Variants in SRRM2 observed in about 807,000 individuals in gnomAD.
SRRM2 encodes the protein serine/arginine repetitive matrix 2.
In SRRM2, 30 loss-of-function variants were observed where a neutral mutation model predicts 213.8. The ratio of observed to expected loss-of-function variants is 0.14; its 90% confidence interval spans 0.10 to 0.19. The LOEUF (loss-of-function observed/expected upper bound fraction) is 0.19. SRRM2 is among the 10% of genes least tolerant of loss of function. The pLI is 1.00. For synonymous variants in SRRM2, 2,025 were observed against 1,377.7 expected, an observed-to-expected ratio of 1.47 and a Z score of -10.40; for missense variants, 4,904 against 3,647.0, an observed-to-expected ratio of 1.34 and a Z score of -8.88.
In SRRM2 at chr16:2,769,126, C is replaced by G. The variant is rs200174658; in HGVS notation, c.7863C>G (p.Ser2621=). Residue 2621 remains serine, a synonymous_variant, in exon 12 of 15, where the codon TCC becomes TCG. Coordinates refer to ENST00000301740, the MANE Select transcript of SRRM2 (RefSeq NM_016333.4). ...SSSSSSSSSS[S]SSSSSSSSSS... ...GCTCCTCCTCTTCATCTTCCTCCTC[C>G]TCCTCCTCCTCCTCTTCTTCCTCCT... 17 of 1,612,932 alleles carry G rather than the reference C, an allele frequency of 1.1e-5. No homozygotes were observed. The highest frequency in any genetic ancestry group is 1.4e-5 in the Non-Finnish European group (17 of 1,179,066).
rs1331603183 is a variant in SRRM2 at position 2,765,943 on chromosome 16, G to A, written c.5415G>A (p.Arg1805=). The A allele has an allele frequency of 1.9e-6, 3 of 1,614,084 alleles. No individual in the cohort carries two copies. In the Admixed American group the frequency reaches 5.0e-5, roughly 27 times the overall value. The change falls in exon 11 of 15, where the codon CGG becomes CGA. Residue 1805 remains arginine, a synonymous_variant. Coordinates refer to ENST00000301740, the MANE Select transcript of SRRM2 (RefSeq NM_016333.4). The part of the protein sequence containing the change: ...QSTSRRRQRS[R]SRSRVTRRRR... ...CCTCTCGGCGAAGACAGCGGAGCCG[G>A]TCAAGGTCGCGGGTTACTCGGCGGC...
chr16:2,766,497 C>G lies in SRRM2; in HGVS notation c.5969C>G (p.Thr1990Ser), dbSNP rs1223980446. ...RRSRSRTSPV[T>S]RRRSRSRTSP... ...TCAAGATCCAGAACATCTCCGGTCA[C>G]CCGAAGGAGATCTCGATCTCGCACA... The change falls in exon 11 of 15, where the codon ACC (threonine) becomes AGC (serine). Residue 1990 changes from threonine (T) to serine (S), a missense_variant. By Grantham distance (58) the Thr-to-Ser change is moderately conservative. Transcript: ENST00000301740. The surrounding 1 kb of genome is among the most constrained non-coding windows in gnomAD (Gnocchi z 7.0). The G allele has an allele frequency of 6.2e-7, 1 of 1,614,052 alleles. No homozygotes were observed.
rs2068586168 is a variant in SRRM2, at chr16:2,767,561, C to T, written c.7033C>T (p.His2345Tyr). ...SANLVGPRSA[H>Y]ATAPVNIAGS... is the part of the protein sequence containing the mutation. ...AAACCTGGTGGGTCCTCGGTCTGCA[C>T]ATGCCACAGCTCCTGTGAATATTGC... Residue 2345 changes from histidine (H) to tyrosine (Y), a missense_variant, in exon 11 of 15, where the codon CAT becomes TAT. Transcript: ENST00000301740. 4.3e-6 allele frequency: 7 copies of T among 1,614,228 alleles called. No individual in the cohort carries two copies. The highest frequency in any genetic ancestry group is 1.1e-5 in the South Asian group (1 of 91,086).
Position 2,752,701 on chromosome 16 carries a change from C to G in SRRM2, c.-177C>G, listed in dbSNP as rs968640180. ...GCGCAGTTGGAGCCCGTTGCGGCCCCTGAGGAAGCGAGGAGGCGTCGGCGT... is the reference window on the plus strand; with the variant it reads ...GCGCAGTTGGAGCCCGTTGCGGCCCGTGAGGAAGCGAGGAGGCGTCGGCGT... On this transcript the variant is annotated 5_prime_UTR_variant, in exon 1 of 15. Coordinates refer to ENST00000301740, the MANE Select transcript of SRRM2 (RefSeq NM_016333.4). 5 of 340,518 alleles carry G rather than the reference C, an allele frequency of 1.5e-5. No homozygotes were observed. The highest frequency in any genetic ancestry group is 3.9e-5 in the South Asian group (2 of 51,034). The allele number at this position is 340,518 out of a possible 1,614,324, so 21.1% of individuals were successfully genotyped here. A position where few individuals can be genotyped will look rare whatever the true frequency, so the allele number is the denominator to read the frequency against.
chr16:2,770,530 A>G, intron 13 of SRRM2, 65 bp downstream of exon 13: 1 of 1,559,306 alleles, frequency 6.4e-7, no homozygotes. Flanking sequence ...ACAAAGAAGA[A>G]AGCTTTGCGG....
rs759341299 is a variant in SRRM2, at chr16:2,758,536, A to G, written c.582A>G (p.Lys194=). The G allele has an allele frequency of 3.7e-6, 6 of 1,614,126 alleles. No individual in the cohort carries two copies. In the East Asian group the frequency reaches 1.3e-4, roughly 36 times the overall value. Residue 194 remains lysine (K), a synonymous_variant, in exon 5 of 15, where the codon AAA becomes AAG. Coordinates refer to ENST00000301740, the MANE Select transcript of SRRM2 (RefSeq NM_016333.4). ...TPKQKKKKKK[K]DRGRRSESSS... ...AGCAGAAGAAGAAGAAAAAGAAGAA[A>G]GATAGAGGACGGTAAGTTAGTTGGA...
rs1472232727 is a variant in SRRM2, at chr16:2,766,308, C to T, written c.5780C>T (p.Thr1927Met). ...AGCAGAAGGCGATCCAGATCCAGAA[C>T]GCCACCAGTAACCCGCCGTCGTTCA... ...PVSRRRSRSR[T>M]PPVTRRRSRS... is the part of the protein sequence containing the mutation. The change falls in exon 11 of 15, where the codon ACG (threonine) becomes ATG (methionine). Residue 1927 changes from threonine (T) to methionine (M), a missense_variant. By Grantham distance (81) the Thr-to-Met change is moderately conservative (BLOSUM62 -1). Transcript: ENST00000301740. The surrounding 1 kb of genome is among the most constrained non-coding windows in gnomAD (Gnocchi z 7.0). 6 of 1,614,194 alleles carry T rather than the reference C, an allele frequency of 3.7e-6. No individual in the cohort carries two copies. The highest frequency in any genetic ancestry group is 5.1e-6 in the Non-Finnish European group (6 of 1,180,024).
At chr16:2,759,224 T>A (rs374564867) in intron 7 of SRRM2, 52 bp downstream of exon 7, 2 of 1,606,254 alleles carry the variant, frequency 1.2e-6, no homozygotes, top group African/African-American at 2.7e-5. Flanking sequence ...AGTGGTGATT[T>A]TTTTTTCTTG....
Position 2,757,528 on chromosome 16 carries a change from A to G in SRRM2, c.299A>G (p.Glu100Gly), listed in dbSNP as rs769798268. The G allele has an allele frequency of 6.2e-7, 1 of 1,614,064 alleles. No homozygotes were observed. Among genetic ancestry groups the G allele is most frequent in the Non-Finnish European group, 8.5e-7 (1 of 1,179,996 alleles). ...KVATFRLMLL[E>G]KDVNPGGKEE... ...GCGACCTTTCGACTCATGTTGCTGGAGAAGGATGTGAACCCTGGGGGCAAG... is the reference window on the plus strand; with the variant it reads ...GCGACCTTTCGACTCATGTTGCTGGGGAAGGATGTGAACCCTGGGGGCAAG... Residue 100 changes from glutamate to glycine, a missense_variant, in exon 3 of 15, where the codon GAG (glutamate) becomes GGG (glycine). Transcript: ENST00000301740.
In SRRM2 at chr16:2,762,909, C is replaced by T. The variant is rs776735683; in HGVS notation, c.2381C>T (p.Pro794Leu). ...PCPKQKSQTP[P>L]RRSRSGSSQP... ...CCTAAACAAAAGTCACAGACACCACCCAGGCGCAGTCGCTCTGGATCCTCC... is the reference window on the plus strand; with the variant it reads ...CCTAAACAAAAGTCACAGACACCACTCAGGCGCAGTCGCTCTGGATCCTCC... The change falls in exon 11 of 15, where the codon CCC becomes CTC. Residue 794 changes from proline to leucine, a missense_variant. Coordinates refer to ENST00000301740, the MANE Select transcript of SRRM2 (RefSeq NM_016333.4). 6.2e-7 allele frequency: 1 copy of T among 1,612,752 alleles called. No individual in the cohort carries two copies. Among genetic ancestry groups the T allele is most frequent in the Non-Finnish European group, 8.5e-7 (1 of 1,178,752 alleles).
intron 4 of SRRM2, among the ~76,000 whole-genome samples, chr16:2,758,225 C>T (rs749681179): frequency 4.6e-5 from 7 of 152,082 alleles, no homozygotes; most frequent in Non-Finnish European, 1.0e-4. Context: ...AGAAAAAAAG[C>T]TGGTTGGTGG....
At chr16:2,768,969 T>G (rs2068639695) in intron 11 of SRRM2, 28 bp from the exon 12 acceptor site, 1 of 1,609,040 alleles carries the variant, frequency 6.2e-7, no homozygotes, top group Non-Finnish European at 8.5e-7. Context: ...GCAGCTTGTC[T>G]CCTTGTGACA....
chr16:2,769,429 C>T (rs956509122), intron 12 of SRRM2, 145 bp downstream of exon 12: 3 of 945,282 alleles, frequency 3.2e-6, no homozygotes, highest in Non-Finnish European at 4.8e-6. Context: ...CTCTCCTCTC[C>T]CCATGCTCGT....
chr16:2,757,510 T>A lies in SRRM2; in HGVS notation c.281T>A (p.Phe94Tyr). ...CAAATTCAGGAAAAAGTGGCGACCT[T>A]TCGACTCATGTTGCTGGAGAAGGAT... Reference protein sequence around the residue: ...EQQIQEKVATFRLMLLEKDVN... With the variant: ...EQQIQEKVATYRLMLLEKDVN... The change falls in exon 3 of 15, where the codon TTT becomes TAT. Residue 94 changes from phenylalanine to tyrosine, a missense_variant. By Grantham distance (22) the Phe-to-Tyr change is conservative (BLOSUM62 3). Transcript: ENST00000301740. 6.2e-7 allele frequency: 1 copy of A among 1,614,044 alleles called. No homozygotes were observed. Among genetic ancestry groups the A allele is most frequent in the South Asian group, 1.1e-5 (1 of 91,082 alleles).
chr16:2,759,224 T>C (rs374564867), intron 7 of SRRM2, 52 bp downstream of exon 7: 277 of 1,606,254 alleles, frequency 1.7e-4, no homozygotes, highest in Non-Finnish European at 2.3e-4. Flanking sequence ...AGTGGTGATT[T>C]TTTTTTCTTG....
Position 2,760,364 on chromosome 16 carries a change from T to C in SRRM2, c.897T>C (p.Ala299=), listed in dbSNP as rs750887562. 1 of 1,614,112 alleles carries C rather than the reference T, an allele frequency of 6.2e-7. No homozygotes were observed. The highest frequency in any genetic ancestry group is 8.5e-7 in the Non-Finnish European group (1 of 1,180,018). The part of the protein sequence containing the change: ...TALAGRSPSP[A]SGRRGEGDAP... Reference sequence around the variant, plus strand: ...TGGCTGGGCGAAGTCCTTCCCCTGCTTCAGGGCGACGCGGGGAGGGAGATG... The same window carrying C: ...TGGCTGGGCGAAGTCCTTCCCCTGCCTCAGGGCGACGCGGGGAGGGAGATG... The change falls in exon 10 of 15, where the codon GCT becomes GCC. Residue 299 remains alanine, a synonymous_variant. Transcript: ENST00000301740.
chr16:2,753,188 T>G (rs1435342409), intron 1 of SRRM2, among the ~76,000 whole-genome samples: 6 of 150,692 alleles, frequency 4.0e-5, no homozygotes, highest in Non-Finnish European at 7.4e-5. Flanking sequence ...AGCTGCCGTT[T>G]TCGGCCCTTA....
chr16:2,764,900 A>G lies in SRRM2; in HGVS notation c.4372A>G (p.Ser1458Gly). 2.5e-6 allele frequency: 4 copies of G among 1,614,200 alleles called. No individual in the cohort carries two copies. The highest frequency in any genetic ancestry group is 3.4e-6 in the Non-Finnish European group (4 of 1,180,030). Residue 1458 changes from serine to glycine, a missense_variant, in exon 11 of 15, where the codon AGC becomes GGC. Coordinates refer to ENST00000301740, the MANE Select transcript of SRRM2 (RefSeq NM_016333.4). ...TGGGTCTGGGACTCCCTCGAGGCAC[A>G]GCCTGTCTGGGTCCTCTCCTGGAAT... ...RDGSGTPSRH[S>G]LSGSSPGMKD...
Position 2,758,560 on chromosome 16 carries a change from G to C in SRRM2, c.593+13G>C. The C allele has an allele frequency of 6.2e-7, 1 of 1,611,624 alleles. No homozygotes were observed. Among genetic ancestry groups the C allele is most frequent in the Non-Finnish European group, 8.5e-7 (1 of 1,177,826 alleles). On this transcript the variant is annotated intron_variant, in intron 5 of 14. Transcript: ENST00000301740. ...AAGATAGAGGACGGTAAGTTAGTTG[G>C]AAAGTGACTCTGATAGCCAGAGGAC...
Sources: gnomAD v4.1 joint callset for allele counts (sites outside exome capture counted in the v4.1 genomes callset) on GRCh38, gnomAD v4.1.1 for gene constraint, Gnocchi (gnomAD v3.1) non-coding constraint, MANE v1.5 for transcripts, NCBI Gene and HGNC (gene_info 2026-07-23, HGNC 2026-07-21) for gene names.